FBXL17: variants seen among roughly 807,000 people sequenced by gnomAD.
The protein encoded by FBXL17 is F-box/LRR-repeat protein 17.
Under a neutral mutation model 66.2 loss-of-function variants are expected in FBXL17, and 22 were observed. That is an observed-to-expected ratio of 0.33 (90% confidence interval 0.24 to 0.47). The LOEUF is 0.47. FBXL17 is among the 20% of genes least tolerant of loss of function. The probability of loss-of-function intolerance (pLI) is 1.00; values close to 1 mark genes in which losing one functional copy is unlikely to be tolerated. For missense variants in FBXL17, 878 were observed against 948.2 expected (o/e 0.93, Z 0.97); for synonymous variants, 474 against 400.5 (o/e 1.18, Z -2.19).
At chr5:108,202,902 A>G (rs1753955887) in intron 5 of FBXL17, among the ~76,000 whole-genome samples, 1 of 152,172 alleles carries the variant, frequency 6.6e-6, no homozygotes, top group African/African-American at 2.4e-5. Context: ...CTTTTTAAAA[A>G]ATACTATTTT....
At chr5:108,334,598 C>T (rs1421230950) in intron 4 of FBXL17, among the ~76,000 whole-genome samples, 1 of 152,176 alleles carries the variant, frequency 6.6e-6, no homozygotes, top group African/African-American at 2.4e-5. Flanking sequence ...AGGATTATGA[C>T]CAACTGTGAA....
chr5:107,951,008 C>T (rs1004922579), intron 7 of FBXL17, among the ~76,000 whole-genome samples: 2 of 152,154 alleles, frequency 1.3e-5, no homozygotes, highest in Non-Finnish European at 2.9e-5. Flanking sequence ...TGGACGATGG[C>T]CTGCCACTAA....
At chr5:108,102,293 A>T (rs1396501431) in intron 6 of FBXL17, among the ~76,000 whole-genome samples, 1 of 152,186 alleles carries the variant, frequency 6.6e-6, no homozygotes, top group African/African-American at 2.4e-5. Flanking sequence ...TTCAGTATCA[A>T]ATTAAGAATA....
At chr5:108,190,846 T>A (rs1431958046) in intron 5 of FBXL17, among the ~76,000 whole-genome samples, 1 of 152,142 alleles carries the variant, frequency 6.6e-6, no homozygotes, top group East Asian at 1.9e-4. Flanking sequence ...GCGTTTTTGA[T>A]CTCCACACCC....
At chr5:108,231,629 C>T (rs1755344676) in intron 4 of FBXL17, among the ~76,000 whole-genome samples, 1 of 152,086 alleles carries the variant, frequency 6.6e-6, no homozygotes, top group African/African-American at 2.4e-5. Context: ...CACCAAGAGA[C>T]ACAACAATGA....
In FBXL17 at chr5:107,952,113, A is replaced by T. The variant is rs949166990; in HGVS notation, c.1822+68812T>A. Among the ~76,000 whole-genome samples the T allele has an allele frequency of 0.011, 18 of 1,606 alleles. No homozygotes were observed. In the African/African-American group the frequency reaches 0.25, roughly 22 times the overall value. 1.1% of individuals were successfully genotyped at this position (1,606 alleles called of 152,430 possible). A position where few individuals can be genotyped will look rare whatever the true frequency, so the allele number is the denominator to read the frequency against. ...CGACAATAGGAAAACACAAGCATTA[A>T]AAAAAAAACTCCTTTAGTCAATTGT... On this transcript the variant is annotated intron_variant, in intron 7 of 8. Transcript: ENST00000542267.
chr5:107,879,562 T>C (rs532244183), intron 8 of FBXL17: 1 of 985,426 alleles, frequency 1.0e-6, no homozygotes, highest in East Asian at 1.1e-4. Flanking sequence ...AGGTCTCGTA[T>C]AAGTTGGGAT....
Position 108,045,467 on chromosome 5 carries a change from T to G in FBXL17, c.1746-24466A>C, listed in dbSNP as rs199955491. Among the ~76,000 whole-genome samples, 3 of 72,706 alleles carry G rather than the reference T, an allele frequency of 4.1e-5. No homozygotes were observed. The South Asian group carries it at 1.6e-3, about 39-fold the overall frequency. 47.7% of individuals were successfully genotyped at this position (72,706 alleles called of 152,430 possible). On this transcript the variant is annotated intron_variant, in intron 6 of 8. Transcript: ENST00000542267. ...AAAATAATAATAATAATAATAACAA[T>G]AATAATTTCTTTCCTTCTGCTAGTG...
intron 6 of FBXL17, among the ~76,000 whole-genome samples, chr5:108,160,802 T>C (rs1485630526): frequency 2.6e-5 from 4 of 152,184 alleles, no homozygotes; most frequent in Non-Finnish European, 5.9e-5. Context: ...CTGTGGTCCA[T>C]GCACATGCAC....
At chr5:108,299,581 C>T (rs1370024413) in intron 4 of FBXL17, 18 of 971,536 alleles carry the variant, frequency 1.9e-5, no homozygotes, top group Non-Finnish European at 2.1e-5. Context: ...AGCTCCCTGG[C>T]GTTTTACTTT....
chr5:108,105,814 T>C (rs1340602181), intron 6 of FBXL17, among the ~76,000 whole-genome samples: 2 of 152,212 alleles, frequency 1.3e-5, no homozygotes, highest in Admixed American at 6.5e-5. Flanking sequence ...TTAGGGTTTA[T>C]ATCTTATTAG....
chr5:108,264,122 G>A (rs1017266801), intron 4 of FBXL17, among the ~76,000 whole-genome samples: 3 of 147,684 alleles, frequency 2.0e-5, no homozygotes, highest in Non-Finnish European at 3.0e-5. Context: ...AGCTGGGGGA[G>A]GAGAACTGCT....
chr5:108,158,595 A>T (rs1041537811), intron 6 of FBXL17, among the ~76,000 whole-genome samples: 3 of 151,916 alleles, frequency 2.0e-5, no homozygotes, highest in Non-Finnish European at 4.4e-5. Flanking sequence ...GGCTGACATT[A>T]TTTAAACATT....
intron 4 of FBXL17, among the ~76,000 whole-genome samples, chr5:108,283,555 A>T (rs1454503598): frequency 6.6e-6 from 1 of 151,810 alleles, no homozygotes; most frequent in African/African-American, 2.4e-5. Flanking sequence ...AGACTTAAAT[A>T]TAGGAACCAA....
chr5:107,996,420 G>A (rs984761789), intron 7 of FBXL17, among the ~76,000 whole-genome samples: 7 of 152,104 alleles, frequency 4.6e-5, no homozygotes, highest in African/African-American at 1.7e-4. Flanking sequence ...GTTCAAGTGA[G>A]TCTCATGTCT....
chr5:108,105,251 T>C (rs1384941361), intron 6 of FBXL17, among the ~76,000 whole-genome samples: 2 of 152,148 alleles, frequency 1.3e-5, no homozygotes, highest in Non-Finnish European at 2.9e-5. Context: ...AAGGCGCAAC[T>C]GAAGTGGACC....
intron 1 of FBXL17, among the ~76,000 whole-genome samples, chr5:108,377,693 T>A (rs967241383): frequency 4.6e-5 from 7 of 152,266 alleles, no homozygotes; most frequent in African/African-American, 1.7e-4. Flanking sequence ...TACTTGTGTG[T>A]GGAAAGGATT....
chr5:108,337,875 G>T (rs184950091), intron 4 of FBXL17, among the ~76,000 whole-genome samples: 3 of 151,950 alleles, frequency 2.0e-5, no homozygotes, highest in African/African-American at 7.2e-5. Context: ...GTTTATGAGT[G>T]AATTCAGAGG....
intron 4 of FBXL17, among the ~76,000 whole-genome samples, chr5:108,250,671 A>G (rs1756310238): frequency 1.3e-5 from 2 of 152,110 alleles, no homozygotes; most frequent in Non-Finnish European, 2.9e-5. Context: ...GAATATATAA[A>G]AAGTACTGAA....
Sources: allele counts gnomAD v4.1 joint callset (sites outside exome capture counted in the v4.1 genomes callset), GRCh38; gene constraint gnomAD v4.1.1; transcripts MANE v1.5; gene names NCBI Gene and HGNC (gene_info 2026-07-23, HGNC 2026-07-21).